PPM1B: variants seen among roughly 807,000 people sequenced by gnomAD.
The protein encoded by PPM1B is protein phosphatase 1B.
A neutral mutation model predicts 43.0 loss-of-function variants in PPM1B; 22 were observed. That is an observed-to-expected ratio of 0.51 (90% CI 0.37 to 0.73). The LOEUF (loss-of-function observed/expected upper bound fraction) is 0.73, where lower values mean the gene tolerates loss of function less well. Among genes scored for constraint, PPM1B ranks in the 30% least tolerant of loss-of-function variants. The pLI is 0.00. For synonymous variants in PPM1B, 217 were observed against 197.9 expected (o/e 1.10, Z -0.81); for missense variants, 632 against 584.2 (o/e 1.08, Z -0.84).
intron 1 of PPM1B, among the ~76,000 whole-genome samples, chr2:44,178,757 A>C (rs1265485732): frequency 6.6e-6 from 1 of 152,164 alleles, no homozygotes; most frequent in African/African-American, 2.4e-5. Flanking sequence ...GGCATGAGCC[A>C]CCATGCCCAG....
At chr2:44,214,439 G>T (rs766980756) in intron 3 of PPM1B, among the ~76,000 whole-genome samples, 1 of 151,326 alleles carries the variant, frequency 6.6e-6, no homozygotes, top group African/African-American at 2.4e-5. Context: ...GTTAAAGATG[G>T]TAAGGCAGAT....
intron 5 of PPM1B, among the ~76,000 whole-genome samples, chr2:44,241,123 C>T (rs2104294873): frequency 7.0e-6 from 1 of 143,670 alleles, no homozygotes; most frequent in Non-Finnish European, 1.6e-5. Flanking sequence ...CCTGCCTCAG[C>T]GTCCCAAGTA....
At chr2:44,230,103 A>AT in intron 5 of PPM1B, 1 of 1,497,622 alleles carries the variant, frequency 6.7e-7, no homozygotes, top group East Asian at 2.5e-5. Flanking sequence ...TTGTTTAAGT[A>AT]AGTCAGTTTT....
chr2:44,210,727 C>G (rs1669423354), intron 3 of PPM1B, among the ~76,000 whole-genome samples: 1 of 152,126 alleles, frequency 6.6e-6, no homozygotes, highest in Admixed American at 6.5e-5. Flanking sequence ...CCCTGCCCCC[C>G]ATATTACTAA....
downstream of PPM1B, chr2:44,233,571 A>G (rs1670527757): frequency 6.1e-6 from 6 of 985,856 alleles, no homozygotes; most frequent in Non-Finnish European, 6.0e-6. Flanking sequence ...GATGCTTTGT[A>G]AACATTTTCC....
intron 5 of PPM1B, among the ~76,000 whole-genome samples, chr2:44,242,475 A>G (rs1439501536): frequency 1.3e-5 from 2 of 152,294 alleles, no homozygotes; most frequent in East Asian, 1.9e-4. Context: ...AATTTTCCAT[A>G]TGTTTGAATT....
chr2:44,208,592 A>G (rs1669304176), intron 2 of PPM1B, among the ~76,000 whole-genome samples: 2 of 152,282 alleles, frequency 1.3e-5, no homozygotes, highest in Middle Eastern at 3.4e-3. Context: ...CGTCACCTGT[A>G]ATGCCAGCTA....
chr2:44,218,875 TCTC>T (rs1474890928), intron 5 of PPM1B: 2 of 464,650 alleles, frequency 4.3e-6, no homozygotes, highest in Non-Finnish European at 8.6e-6. Flanking sequence ...TATCTCAATT[TCTC>T]CTCCAGCAGG....
intron 2 of PPM1B, among the ~76,000 whole-genome samples, chr2:44,203,721 T>C (rs1669046485): frequency 6.6e-6 from 1 of 152,196 alleles, no homozygotes; most frequent in African/African-American, 2.4e-5. Flanking sequence ...CCTATAAGTA[T>C]TGATCTGTAT....
chr2:44,244,641 G>A (rs1040577600), downstream of PPM1B, among the ~76,000 whole-genome samples: 13 of 151,916 alleles, frequency 8.6e-5, no homozygotes, highest in African/African-American at 2.7e-4. Flanking sequence ...ACCGTCTTCC[G>A]ACTGGTTTTT....
At chr2:44,244,335 G>T (rs1012304433) in exon 6 of PPM1B, 41 of 1,360,118 alleles carry the variant, frequency 3.0e-5, no homozygotes, top group Non-Finnish European at 4.0e-5. Context: ...GGACAAAAAG[G>T]TTTTTTTGTA....
chr2:44,225,566 G>C (rs1365867421), intron 5 of PPM1B, among the ~76,000 whole-genome samples: 1 of 152,216 alleles, frequency 6.6e-6, no homozygotes, highest in Non-Finnish European at 1.5e-5. Context: ...ATTAGCTAAA[G>C]TTCTTCTCAA....
chr2:44,200,172 A>G (rs1429300219), intron 1 of PPM1B, among the ~76,000 whole-genome samples: 2 of 152,218 alleles, frequency 1.3e-5, no homozygotes, highest in Admixed American at 6.5e-5. Flanking sequence ...AGCACTTTAC[A>G]TTGACTCATT....
Position 44,231,287 on chromosome 2 carries a change from AT to A in PPM1B, c.*574del, listed in dbSNP as rs1670460175. ...GTTGTGAGATATTGGATGTGTGGCT[AT>A]TTTTCCTTTCTCTGTATTCTTTATG... On this transcript the variant is annotated 3_prime_UTR_variant, in exon 6 of 6. Coordinates refer to ENST00000282412, the MANE Select transcript of PPM1B (RefSeq NM_002706.6). 2.0e-6 allele frequency: 2 copies of A among 978,410 alleles called. No homozygotes were observed. The highest frequency in any genetic ancestry group is 1.2e-4 in the Admixed American group (2 of 16,230). The allele number at this position is 978,410 out of a possible 1,614,324, so 60.6% of individuals were successfully genotyped here. A position where few individuals can be genotyped will look rare whatever the true frequency, so the allele number is the denominator to read the frequency against.
chr2:44,208,943 G>A (rs1300893344), intron 2 of PPM1B, among the ~76,000 whole-genome samples: 3 of 152,114 alleles, frequency 2.0e-5, no homozygotes, highest in African/African-American at 7.2e-5. Flanking sequence ...ATGTATTGAA[G>A]ATATCTTCAT....
chr2:44,227,129 A>G (rs1180235557), intron 5 of PPM1B, among the ~76,000 whole-genome samples: 1 of 151,706 alleles, frequency 6.6e-6, no homozygotes, highest in African/African-American at 2.4e-5. Flanking sequence ...GTGTGCTGCC[A>G]CACCTAATTT....
chr2:44,232,317 G>A, downstream of PPM1B: 2 of 1,605,752 alleles, frequency 1.2e-6, no homozygotes, highest in African/African-American at 2.7e-5. Context: ...TTCCTGTAGG[G>A]TGCTGGAGAT....
intron 1 of PPM1B, among the ~76,000 whole-genome samples, chr2:44,198,622 CAAATA>C (rs1476652652): frequency 1.3e-5 from 2 of 152,146 alleles, no homozygotes; most frequent in Non-Finnish European, 2.9e-5. Context: ...CTTGGTCCCT[CAAATA>C]AGATAAAAGC....
chr2:44,170,789 G>A (rs904709931), intron 1 of PPM1B, among the ~76,000 whole-genome samples: 1 of 152,122 alleles, frequency 6.6e-6, no homozygotes, highest in African/African-American at 2.4e-5. Context: ...TTGAAGTAAT[G>A]GTAATTTTTT....
Sources: allele counts gnomAD v4.1 joint callset (sites outside exome capture counted in the v4.1 genomes callset), GRCh38; gene constraint gnomAD v4.1.1; transcripts MANE v1.5; gene names NCBI Gene and HGNC (gene_info 2026-07-23, HGNC 2026-07-21).